Variants in MAPK9 observed in about 807,000 individuals in gnomAD.
MAPK9 encodes the protein mitogen-activated protein kinase 9, also known as Jun kinase.
MAPK9 carries 30 observed loss-of-function variants against 57.1 expected under a neutral mutation model. That is an observed-to-expected ratio of 0.53 (90% CI 0.39 to 0.71). The LOEUF (loss-of-function observed/expected upper bound fraction) is 0.71, where lower values mean the gene tolerates loss of function less well. Ranked by LOEUF, MAPK9 falls within the 30% of genes least tolerant of loss-of-function variation. MAPK9 has a pLI of 0.00. For missense variants in MAPK9, 362 were observed against 521.0 expected (o/e 0.69, Z 2.97); for synonymous variants, 155 against 177.0 (o/e 0.88, Z 0.99).
At chr5:180,252,663 C>T (rs375121074) in intron 5 of MAPK9, among the ~76,000 whole-genome samples, 10 of 152,318 alleles carry the variant, frequency 6.6e-5, no homozygotes, top group South Asian at 2.1e-4. Context: ...GCCTCCGCTC[C>T]GGCTACACAC....
chr5:180,260,388 A>C (rs751325378), intron 5 of MAPK9, among the ~76,000 whole-genome samples: 8 of 152,244 alleles, frequency 5.3e-5, no homozygotes, highest in Non-Finnish European at 1.0e-4. Context: ...ACTCCCACTG[A>C]GAACAAATCT....
chr5:180,280,346 T>C, intron 2 of MAPK9, 94 bp downstream of exon 2: 1 of 1,512,108 alleles, frequency 6.6e-7, no homozygotes. Context: ...GAGTTTTTTT[T>C]TTAATCATCA....
intron 2 of MAPK9, among the ~76,000 whole-genome samples, chr5:180,269,770 AC>A (rs1431114107): frequency 6.6e-6 from 1 of 152,244 alleles, no homozygotes; most frequent in Non-Finnish European, 1.5e-5. Flanking sequence ...AAACAAAGTC[AC>A]TGTTTCCTGT....
intron 5 of MAPK9, among the ~76,000 whole-genome samples, chr5:180,250,424 A>T (rs1411607958): frequency 6.6e-6 from 1 of 152,088 alleles, no homozygotes; most frequent in African/African-American, 2.4e-5. Context: ...CATTCTTTTC[A>T]CAAGAGTAGT....
At position 180,249,079 on chromosome 5, in the gene MAPK9, A is replaced by T. The variant is rs777590722; in HGVS notation, c.510T>A (p.Phe170Leu). ...KSDCTLKILD[F>L]GLARTACTNF... The stretch of plus-strand genomic sequence containing the variant: ...TAGTGCACGCTGTCCGGGCCAGGCC[A>T]AAGTCAAGGATCTTCAGGGTGCAGT... Residue 170 changes from phenylalanine to leucine, a missense_variant, in exon 6 of 12, where the codon TTT (phenylalanine) becomes TTA (leucine). Transcript: ENST00000452135. 1 of 1,613,990 alleles carries T rather than the reference A, an allele frequency of 6.2e-7. No homozygotes were observed. Among genetic ancestry groups the T allele is most frequent in the Non-Finnish European group, 8.5e-7 (1 of 1,179,924 alleles).
In MAPK9 at chr5:180,247,384, T is replaced by G; in HGVS notation, c.688+55A>C. The G allele has an allele frequency of 6.2e-7, 1 of 1,610,740 alleles. No individual in the cohort carries two copies. The highest frequency in any genetic ancestry group is 2.2e-5 in the East Asian group (1 of 44,858). ...GAGCGCTCGTGTAAGCAGGTGGTCA[T>G]GCTGCCTGAGGCATTAAGAAAGCAT... On this transcript the variant is annotated intron_variant, in intron 7 of 11. Coordinates refer to ENST00000452135, the MANE Select transcript of MAPK9 (RefSeq NM_002752.5). The surrounding 1 kb of genome is among the most constrained non-coding windows in gnomAD (Gnocchi z 4.5).
At chr5:180,268,058 T>C (rs1265323227) in intron 3 of MAPK9, among the ~76,000 whole-genome samples, 1 of 152,012 alleles carries the variant, frequency 6.6e-6, no homozygotes, top group Non-Finnish European at 1.5e-5. Flanking sequence ...TCTCCTGACG[T>C]CATGATCCAC....
intron 4 of MAPK9, among the ~76,000 whole-genome samples, chr5:180,263,481 G>A (rs150652767): frequency 3.2e-4 from 48 of 152,160 alleles, no homozygotes; most frequent in African/African-American, 1.2e-3. Flanking sequence ...TCACTGCTCT[G>A]CTAAGACTCT....
intron 1 of MAPK9, among the ~76,000 whole-genome samples, chr5:180,283,912 A>C (rs1305097964): frequency 3.3e-5 from 5 of 152,240 alleles, no homozygotes; most frequent in Non-Finnish European, 7.3e-5. Flanking sequence ...CCTGGGCCAC[A>C]GCGAGACTCC....
chr5:180,252,166 C>T (rs550850421), intron 5 of MAPK9, among the ~76,000 whole-genome samples: 3 of 152,212 alleles, frequency 2.0e-5, no homozygotes, highest in South Asian at 4.1e-4. Context: ...AGGGTGGGAA[C>T]GTTAGCAAAG....
At chr5:180,244,292 AC>A (rs369469392) in intron 7 of MAPK9, among the ~76,000 whole-genome samples, 1 of 151,088 alleles carries the variant, frequency 6.6e-6, no homozygotes, top group East Asian at 1.9e-4. Flanking sequence ...CTAGACCCTA[AC>A]CCCCCTGACT....
chr5:180,268,827 C>T (rs1193194187), intron 3 of MAPK9, among the ~76,000 whole-genome samples: 6 of 124,970 alleles, frequency 4.8e-5, no homozygotes, highest in Non-Finnish European at 1.0e-4. Flanking sequence ...ACTCCGTCTC[C>T]AAAAAAAAAG....
At chr5:180,281,883 A>G (rs1399214841) in intron 1 of MAPK9, among the ~76,000 whole-genome samples, 1 of 152,222 alleles carries the variant, frequency 6.6e-6, no homozygotes, top group Non-Finnish European at 1.5e-5. Context: ...GAGTGACTCC[A>G]GTGACGCCAC....
chr5:180,254,053 G>A (rs1302149967), intron 5 of MAPK9, among the ~76,000 whole-genome samples: 2 of 134,250 alleles, frequency 1.5e-5, no homozygotes, highest in Non-Finnish European at 3.1e-5. Context: ...TGCAACCTCC[G>A]CTTCCTGGGT....
intron 1 of MAPK9, among the ~76,000 whole-genome samples, chr5:180,282,500 G>T (rs1330017128): frequency 1.3e-5 from 2 of 152,198 alleles, no homozygotes; most frequent in Non-Finnish European, 2.9e-5. Context: ...CTACCCACTG[G>T]CAGGGGCAGA....
chr5:180,266,599 T>C (rs1416585255), intron 3 of MAPK9, among the ~76,000 whole-genome samples: 2 of 151,818 alleles, frequency 1.3e-5, no homozygotes, highest in African/African-American at 4.8e-5. Context: ...ATTACAGGTG[T>C]GAGCCACAGC....
chr5:180,278,052 T>G (rs1175751305), intron 2 of MAPK9, among the ~76,000 whole-genome samples: 1 of 152,234 alleles, frequency 6.6e-6, no homozygotes, highest in East Asian at 1.9e-4. Context: ...TAAATGAAAA[T>G]TGTTTAATAG....
intron 2 of MAPK9, among the ~76,000 whole-genome samples, chr5:180,271,325 A>G (rs1290223650): frequency 6.6e-6 from 1 of 152,202 alleles, no homozygotes; most frequent in African/African-American, 2.4e-5. Flanking sequence ...GGTCACTCAA[A>G]GAATACATTG....
At chr5:180,241,299 C>A in intron 8 of MAPK9, 144 bp from the exon 9 acceptor site, 4 of 888,840 alleles carry the variant, frequency 4.5e-6, no homozygotes, top group Non-Finnish European at 4.8e-6. Context: ...TGAATATAAC[C>A]CAAAATTTTT....
Sources: allele counts gnomAD v4.1 joint callset (sites outside exome capture counted in the v4.1 genomes callset), GRCh38; gene constraint gnomAD v4.1.1; non-coding constraint Gnocchi (gnomAD v3.1); transcripts MANE v1.5; gene names NCBI Gene and HGNC (gene_info 2026-07-23, HGNC 2026-07-21).